AUTS2: variants seen among roughly 807,000 people sequenced by gnomAD.
The protein encoded by AUTS2 is activator of transcription and developmental regulator AUTS2.
Under a neutral mutation model 112.4 loss-of-function variants are expected in AUTS2, and 17 were observed. The observed-to-expected ratio is 0.15, with a 90% confidence interval of 0.10 to 0.23. AUTS2 has a LOEUF of 0.23. Ranked by LOEUF, AUTS2 falls within the 10% of genes least tolerant of loss-of-function variation. AUTS2 has a pLI of 1.00. For synonymous variants in AUTS2, 751 were observed against 702.7 expected, an observed-to-expected ratio of 1.07 and a Z score of -1.09; for missense variants, 1,510 against 1,701.6, an observed-to-expected ratio of 0.89 and a Z score of 1.98.
chr7:70,659,139 G>T (rs919205707), intron 5 of AUTS2, among the ~76,000 whole-genome samples: 1 of 152,158 alleles, frequency 6.6e-6, no homozygotes, highest in Admixed American at 6.5e-5. Context: ...TCTCAGGGGG[G>T]ACAAGGAGCC....
At chr7:70,756,726 C>G (rs1789236538) in intron 6 of AUTS2, among the ~76,000 whole-genome samples, 1 of 152,156 alleles carries the variant, frequency 6.6e-6, no homozygotes. Flanking sequence ...ATACCTGGAG[C>G]AGCCTTACCA....
At chr7:70,402,572 C>T (rs922738064) in intron 4 of AUTS2, among the ~76,000 whole-genome samples, 3 of 152,178 alleles carry the variant, frequency 2.0e-5, no homozygotes, top group African/African-American at 7.2e-5. Flanking sequence ...GGGCAGGAGA[C>T]TCAACCTAGA....
At chr7:69,923,962 C>T (rs1795911086) in intron 2 of AUTS2, among the ~76,000 whole-genome samples, 1 of 152,110 alleles carries the variant, frequency 6.6e-6, no homozygotes, top group Non-Finnish European at 1.5e-5. Context: ...ATTTCTCTGT[C>T]AGGAACTTAC....
intron 2 of AUTS2, among the ~76,000 whole-genome samples, chr7:70,081,631 T>C (rs735060): frequency 0.26 from 39,175 of 152,020 alleles, 5,034 homozygotes; most frequent in Middle Eastern, 0.33. Flanking sequence ...TTAAATAAGA[T>C]GGCTCATGCA....
intron 1 of AUTS2, among the ~76,000 whole-genome samples, chr7:69,792,431 G>A (rs1358855501): frequency 6.6e-6 from 1 of 151,900 alleles, no homozygotes; most frequent in Non-Finnish European, 1.5e-5. Context: ...AGTAGAGACG[G>A]GGTTTCACCA....
At chr7:69,617,999 A>G (rs1793467937) in intron 1 of AUTS2, among the ~76,000 whole-genome samples, 1 of 152,218 alleles carries the variant, frequency 6.6e-6, no homozygotes, top group Non-Finnish European at 1.5e-5. Context: ...AGAGCTTTAC[A>G]TGCATTAACA....
intron 4 of AUTS2, among the ~76,000 whole-genome samples, chr7:70,232,579 T>A (rs1213954685): frequency 6.6e-6 from 1 of 152,086 alleles, no homozygotes; most frequent in Non-Finnish European, 1.5e-5. Flanking sequence ...AATTTTTGTA[T>A]CCTTAGTAGA....
At chr7:70,703,000 A>G (rs1168476806) in intron 6 of AUTS2, among the ~76,000 whole-genome samples, 1 of 152,162 alleles carries the variant, frequency 6.6e-6, no homozygotes, top group Non-Finnish European at 1.5e-5. Context: ...TAGCTTAAAA[A>G]TTGCCTGAAA....
intron 4 of AUTS2, among the ~76,000 whole-genome samples, chr7:70,228,234 T>C (rs754293035): frequency 6.6e-6 from 1 of 151,980 alleles, no homozygotes; most frequent in Non-Finnish European, 1.5e-5. Flanking sequence ...CCCTTTATTA[T>C]TAAACTACAT....
intron 1 of AUTS2, among the ~76,000 whole-genome samples, chr7:69,884,474 T>G (rs1794190217): frequency 6.6e-6 from 1 of 152,240 alleles, no homozygotes; most frequent in African/African-American, 2.4e-5. Context: ...TTGTGATAAA[T>G]CTCACGTTTA....
chr7:70,293,481 T>G (rs1788798488), intron 4 of AUTS2: 1 of 152,206 alleles, frequency 6.6e-6, no homozygotes, highest in East Asian at 1.9e-4. Flanking sequence ...TAAAGGAGGA[T>G]AAGTTCTTTG....
chr7:69,633,777 C>G (rs749115315), intron 1 of AUTS2, among the ~76,000 whole-genome samples: 2 of 151,694 alleles, frequency 1.3e-5, no homozygotes, highest in South Asian at 4.2e-4. Flanking sequence ...GGTCTTTTAC[C>G]CATTTCAAAA....
chr7:70,270,653 G>C (rs1339907167), intron 4 of AUTS2, among the ~76,000 whole-genome samples: 1 of 152,152 alleles, frequency 6.6e-6, no homozygotes, highest in African/African-American at 2.4e-5. Flanking sequence ...AGAATATCTT[G>C]GAGAGGGGTT....
intron 4 of AUTS2, among the ~76,000 whole-genome samples, chr7:70,367,555 CAA>C (rs765864988): frequency 8.0e-5 from 8 of 100,588 alleles, no homozygotes; most frequent in African/African-American, 1.1e-4. Flanking sequence ...GACTCTGTCT[CAA>C]AAAAAAAAAA....
At chr7:70,186,629 G>A (rs572113560) in intron 4 of AUTS2, among the ~76,000 whole-genome samples, 2 of 152,262 alleles carry the variant, frequency 1.3e-5, no homozygotes, top group African/African-American at 4.8e-5. Context: ...GAGTGCAGTG[G>A]CGTGATGTCA....
At chr7:70,212,041 A>G (rs1477127693) in intron 4 of AUTS2, among the ~76,000 whole-genome samples, 1 of 152,228 alleles carries the variant, frequency 6.6e-6, no homozygotes, top group East Asian at 1.9e-4. Context: ...CTTTTTTAGA[A>G]TGATAGAGTG....
intron 5 of AUTS2, among the ~76,000 whole-genome samples, chr7:70,640,071 G>T (rs1805731975): frequency 6.6e-6 from 1 of 152,064 alleles, no homozygotes; most frequent in Non-Finnish European, 1.5e-5. Context: ...AAAGAGAAAA[G>T]GATGTTTATA....
intron 1 of AUTS2, among the ~76,000 whole-genome samples, chr7:69,708,020 G>C (rs761444906): frequency 4.6e-5 from 7 of 152,160 alleles, no homozygotes; most frequent in South Asian, 2.1e-4. Flanking sequence ...TCTTCCTCTC[G>C]GTCGTTGCTT....
At chr7:70,737,751 G>A (rs1011925740) in intron 6 of AUTS2, among the ~76,000 whole-genome samples, 4 of 152,102 alleles carry the variant, frequency 2.6e-5, no homozygotes, top group Non-Finnish European at 5.9e-5. Context: ...AATCCAGAGA[G>A]GAGGAGGAGC....
Sources: allele counts gnomAD v4.1 joint callset (sites outside exome capture counted in the v4.1 genomes callset), GRCh38; gene constraint gnomAD v4.1.1; transcripts MANE v1.5; gene names NCBI Gene and HGNC (gene_info 2026-07-23, HGNC 2026-07-21).